The following PITPNB variants were observed in gnomAD, a reference collection of about 807,000 sequenced individuals.
The protein encoded by PITPNB is phosphatidylinositol transfer protein beta.
A neutral mutation model predicts 45.9 loss-of-function variants in PITPNB; 16 were observed. That is an observed-to-expected ratio of 0.35 (90% confidence interval 0.24 to 0.53). The LOEUF (loss-of-function observed/expected upper bound fraction) is 0.53, where lower values mean the gene tolerates loss of function less well. Among genes scored for constraint, PITPNB ranks in the 20% least tolerant of loss-of-function variants. The pLI, the probability that PITPNB is intolerant of heterozygous loss-of-function variation, is 0.93. For synonymous variants in PITPNB, 112 were observed against 108.9 expected, an observed-to-expected ratio of 1.03 and a Z score of -0.18; for missense variants, 188 against 330.5, an observed-to-expected ratio of 0.57 and a Z score of 3.34.
Position 27,853,581 on chromosome 22 carries a change from T to G in PITPNB, c.*121A>C. On this transcript the variant is annotated 3_prime_UTR_variant, in exon 12 of 12. Coordinates refer to ENST00000335272, the MANE Select transcript of PITPNB (RefSeq NM_012399.5). ...ATCACAAGCACACATCTGGGAAACG[T>G]CAACACTGCAAGATACTGGTCAGAT... 1 of 1,536,024 alleles carries G rather than the reference T, an allele frequency of 6.5e-7. No homozygotes were observed. Among genetic ancestry groups the G allele is most frequent in the Non-Finnish European group, 8.8e-7 (1 of 1,133,408 alleles).
At chr22:27,910,260 CTGTTGT>C (rs964815855) in intron 3 of PITPNB, among the ~76,000 whole-genome samples, 2 of 151,550 alleles carry the variant, frequency 1.3e-5, no homozygotes, top group African/African-American at 4.8e-5. Context: ...AATTTTTTTG[CTGTTGT>C]TGTTGTTGTA....
chr22:27,880,379 T>C (rs1218730821), intron 7 of PITPNB, among the ~76,000 whole-genome samples: 1 of 152,214 alleles, frequency 6.6e-6, no homozygotes, highest in Non-Finnish European at 1.5e-5. Flanking sequence ...AAAACTTGAC[T>C]TGGAGCTGTT....
chr22:27,909,088 C>T (rs1569034320), intron 3 of PITPNB, among the ~76,000 whole-genome samples: 1 of 151,278 alleles, frequency 6.6e-6, no homozygotes, highest in Admixed American at 6.6e-5. Context: ...TGATTCATTT[C>T]AATATGAAGA....
intron 8 of PITPNB, among the ~76,000 whole-genome samples, chr22:27,865,204 AAAG>A (rs953352495): frequency 6.6e-6 from 1 of 152,204 alleles, no homozygotes; most frequent in African/African-American, 2.4e-5. Context: ...AATTGACTCT[AAAG>A]AAGTTTTTTT....
At chr22:27,918,804 G>C (rs1051624942) in intron 1 of PITPNB, among the ~76,000 whole-genome samples, 1 of 152,132 alleles carries the variant, frequency 6.6e-6, no homozygotes, top group African/African-American at 2.4e-5. Context: ...CCCACCCTCG[G>C]ACTGCGGCTC....
intron 8 of PITPNB, among the ~76,000 whole-genome samples, chr22:27,861,534 G>A (rs1359466582): frequency 6.6e-6 from 1 of 152,176 alleles, no homozygotes; most frequent in Non-Finnish European, 1.5e-5. Context: ...GTGTGCAGAA[G>A]ACCAAGATAC....
intron 2 of PITPNB, among the ~76,000 whole-genome samples, chr22:27,913,749 G>A (rs929930342): frequency 6.6e-6 from 1 of 152,186 alleles, no homozygotes; most frequent in Admixed American, 6.5e-5. Context: ...AATGTGCTGG[G>A]AATGTTTAAC....
chr22:27,903,249 C>T (rs1344947420), intron 3 of PITPNB, among the ~76,000 whole-genome samples: 1 of 151,860 alleles, frequency 6.6e-6, no homozygotes, highest in African/African-American at 2.4e-5. Context: ...GAGGGTAGAT[C>T]ACCTGAGGTC....
chr22:27,911,140 A>C (rs762409266), intron 2 of PITPNB, 31 bp from the exon 3 acceptor site: 1 of 1,577,396 alleles, frequency 6.3e-7, no homozygotes, highest in Non-Finnish European at 8.7e-7. Flanking sequence ...GAAACTGAGT[A>C]AGTCAGTAGT....
chr22:27,888,460 C>A (rs1456444180), intron 7 of PITPNB, among the ~76,000 whole-genome samples: 1 of 152,212 alleles, frequency 6.6e-6, no homozygotes, highest in East Asian at 1.9e-4. Context: ...GCTTCCTCAT[C>A]CCTTGCCAAC....
chr22:27,911,075 G>C lies in PITPNB; in HGVS notation c.86C>G (p.Ala29Gly). ...QVGQLYSVAE[A>G]SKNETGGGEG... is the part of the protein sequence containing the mutation. ...TCCACCACCAGTCTCATTCTTACTA[G>C]CTTCTGCAACAGAGTAAAGCTGCCC... The change falls in exon 3 of 12, where the codon GCT becomes GGT. Residue 29 changes from alanine to glycine, a missense_variant. By Grantham distance (60) the Ala-to-Gly change is moderately conservative (BLOSUM62 0). Coordinates refer to ENST00000335272, the MANE Select transcript of PITPNB (RefSeq NM_012399.5). 6.2e-7 allele frequency: 1 copy of C among 1,612,298 alleles called. No homozygotes were observed. The highest frequency in any genetic ancestry group is 8.5e-7 in the Non-Finnish European group (1 of 1,178,516).
intron 7 of PITPNB, among the ~76,000 whole-genome samples, chr22:27,878,015 T>C (rs1934868950): frequency 6.6e-6 from 1 of 152,154 alleles, no homozygotes; most frequent in Non-Finnish European, 1.5e-5. Flanking sequence ...AGAGAGACAT[T>C]AGGATCCTGC....
At chr22:27,888,577 A>G (rs954489096) in intron 7 of PITPNB, among the ~76,000 whole-genome samples, 2 of 152,184 alleles carry the variant, frequency 1.3e-5, no homozygotes, top group Admixed American at 6.5e-5. Context: ...GGTTCATCTG[A>G]CCGATATTTA....
At chr22:27,900,864 A>G (rs1935571986) in intron 3 of PITPNB, among the ~76,000 whole-genome samples, 1 of 152,224 alleles carries the variant, frequency 6.6e-6, no homozygotes, top group Admixed American at 6.5e-5. Flanking sequence ...GCCTCCGAAA[A>G]GAACAATTAT....
intron 10 of PITPNB, among the ~76,000 whole-genome samples, 200 bp from the exon 11 acceptor site, chr22:27,855,139 G>A (rs1385483718): frequency 6.6e-6 from 1 of 152,154 alleles, no homozygotes; most frequent in African/African-American, 2.4e-5. Context: ...CACAAAAAAG[G>A]TTTATCTATC....
chr22:27,896,201 T>C (rs1488144085), intron 6 of PITPNB, among the ~76,000 whole-genome samples: 2 of 152,250 alleles, frequency 1.3e-5, no homozygotes, highest in African/African-American at 4.8e-5. Context: ...TCAATCCTGC[T>C]ATGCAGAGCA....
intron 7 of PITPNB, among the ~76,000 whole-genome samples, chr22:27,884,375 A>AT (rs1459740247): frequency 6.6e-6 from 1 of 152,224 alleles, no homozygotes; most frequent in African/African-American, 2.4e-5. Flanking sequence ...GATGAACGTG[A>AT]TATGAATGAA....
intron 7 of PITPNB, among the ~76,000 whole-genome samples, chr22:27,888,471 C>A (rs1368420105): frequency 1.3e-5 from 2 of 152,160 alleles, no homozygotes; most frequent in African/African-American, 4.8e-5. Context: ...CCTTGCCAAC[C>A]CAGGTGTTAT....
chr22:27,862,880 T>C (rs1460214025), intron 8 of PITPNB, among the ~76,000 whole-genome samples: 1 of 152,260 alleles, frequency 6.6e-6, no homozygotes, highest in Admixed American at 6.5e-5. Flanking sequence ...AAATCAAATA[T>C]TTACATACTA....
Sources: gnomAD v4.1 joint callset for allele counts (sites outside exome capture counted in the v4.1 genomes callset) on GRCh38, gnomAD v4.1.1 for gene constraint, MANE v1.5 for transcripts, NCBI Gene and HGNC (gene_info 2026-07-23, HGNC 2026-07-21) for gene names.